The following CTNNA2 variants were observed in gnomAD, a reference collection of about 807,000 sequenced individuals.
CTNNA2 encodes the protein catenin alpha 2, also known as catenin alpha-2.
A neutral mutation model predicts 101.0 loss-of-function variants in CTNNA2; 42 were observed. The ratio of observed to expected loss-of-function variants is 0.42; its 90% CI spans 0.32 to 0.54. CTNNA2 has a LOEUF of 0.54. Ranked by LOEUF, CTNNA2 falls within the 20% of genes least tolerant of loss-of-function variation. CTNNA2 has a pLI of 0.14. For missense variants in CTNNA2, 871 were observed against 1,223.1 expected (o/e 0.71, Z 4.29); for synonymous variants, 450 against 456.4 (o/e 0.99, Z 0.18).
chr2:80,607,257 T>C (rs1698107639), intron 16 of CTNNA2, among the ~76,000 whole-genome samples: 1 of 151,864 alleles, frequency 6.6e-6, no homozygotes. Context: ...TTATGTCCTT[T>C]ACAAGTACCA....
At chr2:80,196,587 A>G (rs1706846946) in intron 7 of CTNNA2, among the ~76,000 whole-genome samples, 2 of 152,132 alleles carry the variant, frequency 1.3e-5, no homozygotes, top group Admixed American at 1.3e-4. Flanking sequence ...AATGCCTACT[A>G]TCTTCTGCTT....
At chr2:79,990,294 A>G (rs568993784) in intron 7 of CTNNA2, among the ~76,000 whole-genome samples, 2 of 152,150 alleles carry the variant, frequency 1.3e-5, no homozygotes, top group Non-Finnish European at 2.9e-5. Flanking sequence ...ATTGCAGCAG[A>G]ATAGAATGAT....
At chr2:80,594,321 A>T (rs1399484429) in intron 15 of CTNNA2, among the ~76,000 whole-genome samples, 1 of 151,826 alleles carries the variant, frequency 6.6e-6, no homozygotes, top group African/African-American at 2.4e-5. Context: ...TCTTTTGCCC[A>T]TTTTTTAGTT....
Position 80,608,630 on chromosome 2 carries a change from T to C in CTNNA2, c.2430+312T>C, listed in dbSNP as rs142771241. ...TTATTTGGGGCTTTTGTATATTTACTCATTGTGAGTCTACTTCCTTTTGTT... is the reference window on the plus strand; with the variant it reads ...TTATTTGGGGCTTTTGTATATTTACCCATTGTGAGTCTACTTCCTTTTGTT... On this transcript the variant is annotated intron_variant, in intron 17 of 18. Coordinates refer to ENST00000402739, the MANE Select transcript of CTNNA2 (RefSeq NM_001282597.3). 4.6e-4 allele frequency: 97 copies of C among 209,184 alleles called. 1 individual carries two copies. The highest frequency in any genetic ancestry group is 2.0e-3 in the African/African-American group (90 of 43,990). The allele number at this position is 209,184 out of a possible 1,614,324, so 13.0% of individuals were successfully genotyped here.
chr2:80,560,453 T>C (rs550842740), intron 12 of CTNNA2, among the ~76,000 whole-genome samples: 1 of 152,192 alleles, frequency 6.6e-6, no homozygotes, highest in African/African-American at 2.4e-5. Flanking sequence ...GGTTTTTTCC[T>C]GTATTGCCCA....
intron 3 of CTNNA2, among the ~76,000 whole-genome samples, chr2:79,793,541 A>G (rs1318980775): frequency 6.6e-6 from 1 of 152,198 alleles, no homozygotes; most frequent in Non-Finnish European, 1.5e-5. Context: ...ATAGGAAGTA[A>G]TAAGTAAAGC....
At chr2:80,154,624 T>G (rs1202215083) in intron 7 of CTNNA2, among the ~76,000 whole-genome samples, 5 of 152,120 alleles carry the variant, frequency 3.3e-5, no homozygotes, top group Non-Finnish European at 7.4e-5. Context: ...TTTGTCAGGG[T>G]GGACAAGATT....
At chr2:79,674,309 G>T (rs1242567888) in intron 2 of CTNNA2, among the ~76,000 whole-genome samples, 1 of 152,138 alleles carries the variant, frequency 6.6e-6, no homozygotes. Context: ...TTGAGAGAAG[G>T]TCACAGTTAA....
rs975103316 is a variant in CTNNA2, at chr2:79,473,679, GAA to G, written c.-134-31371_-134-31370del. ...TATATCTTTCAAAAATGGAGAAAAAGAAAAAGTCTTTTTCAGACAAACAGGAA... is the reference window on the plus strand; with the variant it reads ...TATATCTTTCAAAAATGGAGAAAAAGAAAGTCTTTTTCAGACAAACAGGAA... On this transcript the variant is annotated intron_variant, in intron 4 of 21. Transcript: ENST00000466387. Among the ~76,000 whole-genome samples, 9 of 151,964 alleles carry G rather than the reference GAA, an allele frequency of 5.9e-5. No individual in the cohort carries two copies. In the South Asian group the frequency reaches 1.0e-3, roughly 18 times the overall value.
intron 9 of CTNNA2, among the ~76,000 whole-genome samples, chr2:80,488,082 T>C (rs187043923): frequency 6.6e-6 from 1 of 152,324 alleles, no homozygotes; most frequent in East Asian, 1.9e-4. Flanking sequence ...TGGAATCCTA[T>C]ACCTTATTTG....
At chr2:79,218,874 T>C (rs1199386402) in intron 2 of CTNNA2, among the ~76,000 whole-genome samples, 1 of 152,204 alleles carries the variant, frequency 6.6e-6, no homozygotes, top group South Asian at 2.1e-4. Context: ...CAATTTTTGA[T>C]TGATACTTGT....
chr2:80,456,704 C>T lies in CTNNA2; in HGVS notation c.1290+37103C>T, dbSNP rs76472016. On this transcript the variant is annotated intron_variant, in intron 9 of 18. Coordinates refer to ENST00000402739, the MANE Select transcript of CTNNA2 (RefSeq NM_001282597.3). ...GCCTTAGACAGGTACTTATACACTTCGAGTTTCAGTTTCCTTAGCTATAAA... is the reference window on the plus strand; with the variant it reads ...GCCTTAGACAGGTACTTATACACTTTGAGTTTCAGTTTCCTTAGCTATAAA... Among the ~76,000 whole-genome samples, 1,544 of 152,188 alleles carry T rather than the reference C, an allele frequency of 0.01. 78 individuals are homozygous for T. The South Asian group carries it at 0.12, about 12-fold the overall frequency.
chr2:79,874,488 A>T (rs932860735), intron 6 of CTNNA2, 146 bp downstream of exon 6: 1 of 996,342 alleles, frequency 1.0e-6, no homozygotes, highest in Admixed American at 2.8e-5. Flanking sequence ...TACATAATGC[A>T]TTTCTGTAAT....
intron 1 of CTNNA2, among the ~76,000 whole-genome samples, chr2:79,526,750 G>T (rs1672428340): frequency 6.6e-6 from 1 of 152,060 alleles, no homozygotes; most frequent in Non-Finnish European, 1.5e-5. Context: ...TAAACAAATG[G>T]TGCTGAGACA....
intron 7 of CTNNA2, among the ~76,000 whole-genome samples, chr2:79,964,663 A>T (rs1689904774): frequency 6.6e-6 from 1 of 152,224 alleles, no homozygotes; most frequent in African/African-American, 2.4e-5. Context: ...TAGACGAATT[A>T]CACAAGTTCT....
chr2:79,721,453 T>G (rs533917565), intron 2 of CTNNA2, among the ~76,000 whole-genome samples: 14 of 152,336 alleles, frequency 9.2e-5, no homozygotes, highest in African/African-American at 3.4e-4. Flanking sequence ...TATCTAATCC[T>G]AATTACCTCC....
chr2:79,936,003 T>C (rs961402502), intron 7 of CTNNA2, among the ~76,000 whole-genome samples: 2 of 152,232 alleles, frequency 1.3e-5, no homozygotes, highest in Admixed American at 1.3e-4. Context: ...GCTGATGTTA[T>C]AGAATGGCAA....
intron 3 of CTNNA2, among the ~76,000 whole-genome samples, chr2:79,770,927 A>G (rs1268822314): frequency 6.6e-6 from 1 of 152,222 alleles, no homozygotes; most frequent in Non-Finnish European, 1.5e-5. Flanking sequence ...TGAAGAAATT[A>G]TTGCAGAAAG....
intron 2 of CTNNA2, among the ~76,000 whole-genome samples, chr2:79,264,477 T>A (rs1176378656): frequency 6.6e-6 from 1 of 152,118 alleles, no homozygotes; most frequent in African/African-American, 2.4e-5. Context: ...ATACTCCATA[T>A]CTCCTCTTGA....
Sources: gnomAD v4.1 joint callset for allele counts (sites outside exome capture counted in the v4.1 genomes callset) on GRCh38, gnomAD v4.1.1 for gene constraint, MANE v1.5 for transcripts, NCBI Gene and HGNC (gene_info 2026-07-23, HGNC 2026-07-21) for gene names.